The following PDE10A variants were observed in gnomAD, a reference collection of about 807,000 sequenced individuals.
The protein encoded by PDE10A is cAMP and cAMP-inhibited cGMP 3',5'-cyclic phosphodiesterase 10A.
Under a neutral mutation model 97.7 loss-of-function variants are expected in PDE10A, and 39 were observed. That is an observed-to-expected ratio of 0.40 (90% CI 0.31 to 0.52). The LOEUF (loss-of-function observed/expected upper bound fraction) is 0.52, where lower values mean the gene tolerates loss of function less well. PDE10A is among the 20% of genes least tolerant of loss of function. The pLI is 0.56. For synonymous variants in PDE10A, 371 were observed against 376.8 expected (o/e 0.98, Z 0.18); for missense variants, 731 against 1,047.8 (o/e 0.70, Z 4.17).
intron 10 of PDE10A, among the ~76,000 whole-genome samples, chr6:165,426,744 G>A (rs571480303): frequency 2.0e-5 from 3 of 152,208 alleles, no homozygotes; most frequent in Admixed American, 2.0e-4. Context: ...GTTACAGCTA[G>A]AATATATGAA....
chr6:165,784,983 T>A (rs6913563), intron 1 of PDE10A, among the ~76,000 whole-genome samples: 2 of 151,962 alleles, frequency 1.3e-5, no homozygotes, highest in Non-Finnish European at 2.9e-5. Flanking sequence ...AGTGTCAAAG[T>A]TTCTCTTCTA....
chr6:165,713,617 T>C (rs967742592), intron 1 of PDE10A, among the ~76,000 whole-genome samples: 13 of 152,114 alleles, frequency 8.5e-5, no homozygotes, highest in Non-Finnish European at 1.6e-4. Flanking sequence ...AAGAAGATCA[T>C]TGGAGGAAAG....
chr6:165,940,408 A>T (rs189306083), intron 1 of PDE10A: 9 of 152,394 alleles, frequency 5.9e-5, no homozygotes, highest in Admixed American at 5.9e-4. Context: ...AAGTAGTATC[A>T]AGGAAAATCA....
intron 2 of PDE10A, among the ~76,000 whole-genome samples, chr6:165,540,650 T>G (rs1783378715): frequency 6.6e-6 from 1 of 152,030 alleles, no homozygotes; most frequent in Admixed American, 6.5e-5. Flanking sequence ...TCTTTTTTTG[T>G]TTGTTTGGTT....
intron 17 of PDE10A, among the ~76,000 whole-genome samples, chr6:165,385,335 G>C (rs918993167): frequency 2.6e-5 from 4 of 151,930 alleles, no homozygotes; most frequent in African/African-American, 9.7e-5. Context: ...CACAATTCGG[G>C]CATACTGAAT....
At chr6:165,509,046 C>G (rs1246381671) in intron 2 of PDE10A, among the ~76,000 whole-genome samples, 5 of 152,130 alleles carry the variant, frequency 3.3e-5, no homozygotes, top group African/African-American at 1.2e-4. Context: ...TCAATTACAT[C>G]TGGTTTCTTC....
At chr6:165,691,171 TTC>T (rs1281452238) in intron 1 of PDE10A, among the ~76,000 whole-genome samples, 9 of 8,468 alleles carry the variant, frequency 1.1e-3, no homozygotes, top group Admixed American at 5.4e-3. Flanking sequence ...CTCTCTTTCT[TTC>T]TCTCTCTCTC....
intron 1 of PDE10A, among the ~76,000 whole-genome samples, chr6:165,725,623 A>G (rs572868625): frequency 6.6e-4 from 88 of 134,094 alleles, no homozygotes; most frequent in African/African-American, 2.2e-3. Context: ...GAGGAACTGG[A>G]TGTACTGAAC....
chr6:165,963,506 C>A (rs1198590328), intron 1 of PDE10A, among the ~76,000 whole-genome samples: 1 of 152,212 alleles, frequency 6.6e-6, no homozygotes, highest in African/African-American at 2.4e-5. Context: ...TGTTTAACAT[C>A]TTTGGATCAT....
chr6:165,959,361 A>G (rs1235730436), intron 1 of PDE10A, among the ~76,000 whole-genome samples: 17 of 152,202 alleles, frequency 1.1e-4, no homozygotes, highest in Admixed American at 1.1e-3. Context: ...AGGTCACTGC[A>G]AAGTCCTGGC....
chr6:165,592,834 C>G (rs1378635365), intron 1 of PDE10A, among the ~76,000 whole-genome samples: 1 of 152,172 alleles, frequency 6.6e-6, no homozygotes, highest in Non-Finnish European at 1.5e-5. Flanking sequence ...AATAGGAACA[C>G]TTTTACACTG....
chr6:165,519,379 T>C (rs1199396521), intron 2 of PDE10A, among the ~76,000 whole-genome samples: 1 of 152,142 alleles, frequency 6.6e-6, no homozygotes, highest in Non-Finnish European at 1.5e-5. Flanking sequence ...GGCATCACTT[T>C]GTTTAAACAA....
At chr6:165,560,440 C>T (rs1020905103) in intron 1 of PDE10A, among the ~76,000 whole-genome samples, 6 of 152,168 alleles carry the variant, frequency 3.9e-5, no homozygotes, top group African/African-American at 1.4e-4. Flanking sequence ...GTAACGCCAA[C>T]ACCTTTATTT....
At chr6:165,953,388 C>A (rs1784029560) in intron 1 of PDE10A, among the ~76,000 whole-genome samples, 1 of 152,104 alleles carries the variant, frequency 6.6e-6, no homozygotes, top group African/African-American at 2.4e-5. Flanking sequence ...GTCAGGAGTT[C>A]AAGACTCACC....
intron 1 of PDE10A, among the ~76,000 whole-genome samples, chr6:165,915,437 G>C (rs1782578513): frequency 6.6e-6 from 1 of 152,236 alleles, no homozygotes; most frequent in African/African-American, 2.4e-5. Flanking sequence ...GAGGACCACA[G>C]TGTGTGCGGA....
intron 1 of PDE10A, among the ~76,000 whole-genome samples, chr6:165,658,901 G>T (rs1790095708): frequency 6.6e-6 from 1 of 152,176 alleles, no homozygotes; most frequent in African/African-American, 2.4e-5. Context: ...ACTGACCCCT[G>T]GGCATTAACT....
chr6:165,985,810 C>T (rs1252171317), intron 1 of PDE10A, among the ~76,000 whole-genome samples: 5 of 152,182 alleles, frequency 3.3e-5, no homozygotes, highest in Non-Finnish European at 7.3e-5. Flanking sequence ...TGTCCCCAGT[C>T]AATACCTCTT....
chr6:165,482,013 A>C (rs1348842451), intron 3 of PDE10A, among the ~76,000 whole-genome samples: 1 of 152,184 alleles, frequency 6.6e-6, no homozygotes, highest in Non-Finnish European at 1.5e-5. Flanking sequence ...GTTCAAGGGA[A>C]GCCAGAAATC....
intron 1 of PDE10A, among the ~76,000 whole-genome samples, chr6:165,724,735 A>T (rs1390678977): frequency 6.6e-6 from 1 of 152,252 alleles, no homozygotes; most frequent in African/African-American, 2.4e-5. Flanking sequence ...ATGATCAGTA[A>T]TAAGGTAGAA....
Sources: gnomAD v4.1 joint callset for allele counts (sites outside exome capture counted in the v4.1 genomes callset) on GRCh38, gnomAD v4.1.1 for gene constraint, MANE v1.5 for transcripts, NCBI Gene and HGNC (gene_info 2026-07-23, HGNC 2026-07-21) for gene names.